Variants in MACF1 observed in about 807,000 individuals in gnomAD.
MACF1 encodes the protein microtubule-actin cross-linking factor 1.
A neutral mutation model predicts 854.8 loss-of-function variants in MACF1; 193 were observed. That is an observed-to-expected ratio of 0.23 (90% CI 0.20 to 0.25). The LOEUF (loss-of-function observed/expected upper bound fraction) is 0.25, where lower values mean the gene tolerates loss of function less well. MACF1 is among the 10% of genes least tolerant of loss of function. The pLI, the probability that MACF1 is intolerant of heterozygous loss-of-function variation, is 1.00. For missense variants in MACF1, 7,722 were observed against 8,929.1 expected (o/e 0.86, Z 5.45); for synonymous variants, 3,185 against 3,226.7 (o/e 0.99, Z 0.44).
chr1:39,385,373 C>T, intron 56 of MACF1, 61 bp from the exon 57 acceptor site: 2 of 1,563,424 alleles, frequency 1.3e-6, no homozygotes, highest in South Asian at 1.2e-5. Context: ...TGGCCTGACA[C>T]TGCTTTTAGA....
chr1:39,302,080 T>A (rs1646057566), intron 22 of MACF1, among the ~76,000 whole-genome samples: 1 of 152,136 alleles, frequency 6.6e-6, no homozygotes, highest in Non-Finnish European at 1.5e-5. Context: ...ACTGCAGCCT[T>A]GACCTCCCTG....
chr1:39,361,058 T>A, intron 48 of MACF1, 57 bp downstream of exon 48: 2 of 1,440,762 alleles, frequency 1.4e-6, no homozygotes. Flanking sequence ...GTGCCATCAT[T>A]ACATAATGTT....
At position 39,380,300 on chromosome 1, in the gene MACF1, C is replaced by T. The variant is rs1650064822; in HGVS notation, c.13575C>T (p.Ala4525=). 1.2e-6 allele frequency: 2 copies of T among 1,613,504 alleles called. No homozygotes were observed. Among genetic ancestry groups the T allele is most frequent in the Non-Finnish European group, 8.5e-7 (1 of 1,179,740 alleles). ...CAAAAATTCAAAAAGTAAAGGAAGC[C>T]CTGGCTGGATTACTGGTGACATATC... ...NSPKIQKVKE[A]LAGLLVTYPN... is the part of the protein sequence containing the mutation. The change falls in exon 55 of 101, where the codon GCC becomes GCT. Residue 4525 remains alanine (A), a synonymous_variant. Transcript: ENST00000564288.
chr1:39,223,674 G>A (rs558754064), intron 1 of MACF1, among the ~76,000 whole-genome samples: 68 of 152,090 alleles, frequency 4.5e-4, no homozygotes, highest in African/African-American at 1.4e-3. Flanking sequence ...CTGCCACCAC[G>A]TCTGGCTAAT....
intron 1 of MACF1, among the ~76,000 whole-genome samples, chr1:39,210,024 A>G (rs1056129781): frequency 4.6e-5 from 7 of 151,650 alleles, no homozygotes; most frequent in Non-Finnish European, 1.0e-4. Context: ...CAGGAGGCAG[A>G]GGTTGCAGTG....
Position 39,349,587 on chromosome 1 carries a change from A to G in MACF1, c.10925A>G (p.Gln3642Arg), listed in dbSNP as rs2148498269. 2 of 1,614,240 alleles carry G rather than the reference A, an allele frequency of 1.2e-6. No individual in the cohort carries two copies. The highest frequency in any genetic ancestry group is 1.7e-6 in the Non-Finnish European group (2 of 1,180,028). Reference sequence around the variant, plus strand: ...GGCCACCAAGGCAGAACCACCCAGCAGGATCTCTCTGCTTTGCAGAAGAAC... The same window carrying G: ...GGCCACCAAGGCAGAACCACCCAGCGGGATCTCTCTGCTTTGCAGAAGAAC... ...LAGHQGRTTQ[Q>R]DLSALQKNQS... Residue 3642 changes from glutamine (Q) to arginine (R), a missense_variant, in exon 42 of 101, where the codon CAG becomes CGG. By Grantham distance (43) the Gln-to-Arg change is conservative. This residue lies in a region of MACF1 where 2,807 missense variants were observed against 3,235.8 expected (regional missense o/e 0.87). Coordinates refer to ENST00000564288, the MANE Select transcript of MACF1 (RefSeq NM_001394062.1).
rs1246241408 is a variant in MACF1 at position 39,372,469 on chromosome 1, C to G, written c.13096-10C>G. ...AGATACTACATTTGGCCATTTTCTT[C>G]TTTAAACAGAGTCTACTAGATGACT... On this transcript the variant is annotated splice_polypyrimidine_tract_variant and intron_variant, in intron 51 of 100. Transcript: ENST00000564288. The G allele has an allele frequency of 6.4e-7, 1 of 1,566,354 alleles. No individual in the cohort carries two copies. The highest frequency in any genetic ancestry group is 1.7e-5 in the Admixed American group (1 of 59,410).
rs1272049257 is a variant in MACF1 at position 39,211,880 on chromosome 1, C to CA, written c.109+6757dup. On this transcript the variant is annotated intron_variant, in intron 1 of 100. Transcript: ENST00000564288. ...TGGGCAACAGAGCAAGACTCTGTCT[C>CA]AAAAAAAAGAAATGTGACAGAACCC... Among the ~76,000 whole-genome samples the CA allele has an allele frequency of 6.6e-5, 10 of 150,612 alleles. No individual in the cohort carries two copies. In the South Asian group the frequency reaches 1.3e-3, roughly 19 times the overall value.
At chr1:39,263,336 A>G (rs529625803) in intron 6 of MACF1, among the ~76,000 whole-genome samples, 4 of 152,334 alleles carry the variant, frequency 2.6e-5, no homozygotes, top group Middle Eastern at 3.4e-3. Flanking sequence ...AACTTCATGC[A>G]GAGGTTTATG....
At chr1:39,411,657 G>A (rs773853836) in intron 58 of MACF1, 3 of 1,613,970 alleles carry the variant, frequency 1.9e-6, no homozygotes, top group East Asian at 2.2e-5. Context: ...CAGACTCAGT[G>A]CAGATGTTTC....
chr1:39,218,922 A>G (rs1198584165), intron 1 of MACF1, among the ~76,000 whole-genome samples: 1 of 152,140 alleles, frequency 6.6e-6, no homozygotes, highest in Non-Finnish European at 1.5e-5. Flanking sequence ...CTGGGATTAC[A>G]GGCGTGTGCC....
intron 2 of MACF1, among the ~76,000 whole-genome samples, chr1:39,143,981 G>A (rs553428089): frequency 6.6e-6 from 1 of 151,416 alleles, no homozygotes; most frequent in South Asian, 2.1e-4. Flanking sequence ...GTAGAGATGG[G>A]CTTTCACTGT....
intron 46 of MACF1, 121 bp downstream of exon 46, chr1:39,358,994 G>A (rs896281401): frequency 1.4e-6 from 2 of 1,413,200 alleles, no homozygotes; most frequent in Non-Finnish European, 1.9e-6. Context: ...CCTTGGACAA[G>A]ATCTGAGTGC....
intron 86 of MACF1, 135 bp downstream of exon 86, chr1:39,452,485 A>G (rs1293262933): frequency 1.8e-6 from 2 of 1,110,060 alleles, no homozygotes; most frequent in African/African-American, 1.6e-5. Flanking sequence ...TGAATGTTCT[A>G]TAAAATTTTA....
chr1:39,327,660 G>A, intron 36 of MACF1, among the ~76,000 whole-genome samples: 1 of 152,122 alleles, frequency 6.6e-6, no homozygotes, highest in East Asian at 1.9e-4. Flanking sequence ...GTGATCACAG[G>A]GCAGTAACAT....
Position 39,097,295 on chromosome 1 carries a change from A to G in MACF1, c.220+12857A>G, listed in dbSNP as rs115701839. ...TTGAGGTTCAGGCTCTATCCCCAGAACACACAGAGCTAGGCTAGAGCATAT... is the reference window on the plus strand; with the variant it reads ...TTGAGGTTCAGGCTCTATCCCCAGAGCACACAGAGCTAGGCTAGAGCATAT... On this transcript the variant is annotated intron_variant, in intron 2 of 93. Coordinates refer to the MACF1 transcript ENST00000361689. Among the ~76,000 whole-genome samples the G allele has an allele frequency of 5.2e-3, 791 of 152,236 alleles. 7 individuals carry two copies. Among genetic ancestry groups the G allele is most frequent in the African/African-American group, 0.018 (730 of 41,530 alleles).
intron 6 of MACF1, among the ~76,000 whole-genome samples, chr1:39,258,535 C>T (rs558059050): frequency 5.2e-4 from 79 of 152,312 alleles, no homozygotes; most frequent in African/African-American, 1.9e-3. Flanking sequence ...GCCATCACAC[C>T]CAAGAGCATC....
At chr1:39,380,406 A>G in intron 55 of MACF1, 33 bp downstream of exon 55, 1 of 1,595,462 alleles carries the variant, frequency 6.3e-7, no homozygotes, top group Non-Finnish European at 8.5e-7. Flanking sequence ...CAAATTTGCT[A>G]AGTTACTTGT....
At chr1:39,203,342 A>G (rs972113658), upstream of MACF1, among the ~76,000 whole-genome samples, 2 of 152,158 alleles carry the variant, frequency 1.3e-5, no homozygotes, top group African/African-American at 4.8e-5. Flanking sequence ...AGCTGGGACT[A>G]TACACACATA....
Sources: allele counts gnomAD v4.1 joint callset (sites outside exome capture counted in the v4.1 genomes callset), GRCh38; gene constraint gnomAD v4.1.1; regional missense constraint gnomAD v4.1.1; transcripts MANE v1.5; gene names NCBI Gene and HGNC (gene_info 2026-07-23, HGNC 2026-07-21).